GABRA4: variants seen among roughly 807,000 people sequenced by gnomAD.
GABRA4 encodes the protein gamma-aminobutyric acid receptor subunit alpha-4.
Under a neutral mutation model 49.7 loss-of-function variants are expected in GABRA4, and 12 were observed. The ratio of observed to expected loss-of-function variants is 0.24; its 90% CI spans 0.15 to 0.39. GABRA4 has a LOEUF of 0.39. Among genes scored for constraint, GABRA4 ranks in the 10% least tolerant of loss-of-function variants. The pLI, the probability that GABRA4 is intolerant of heterozygous loss-of-function variation, is 1.00. For synonymous variants in GABRA4, 288 were observed against 240.2 expected, an observed-to-expected ratio of 1.20 and a Z score of -1.84; for missense variants, 506 against 686.0, an observed-to-expected ratio of 0.74 and a Z score of 2.93.
chr4:46,950,175 T>C (rs571001576), intron 8 of GABRA4, among the ~76,000 whole-genome samples: 75 of 152,178 alleles, frequency 4.9e-4, no homozygotes, highest in African/African-American at 1.5e-3. Context: ...AGAGTGCCTG[T>C]TGAAGCTCAG....
chr4:46,958,205 T>C (rs1047831385), intron 8 of GABRA4, among the ~76,000 whole-genome samples: 3 of 151,946 alleles, frequency 2.0e-5, no homozygotes, highest in South Asian at 4.1e-4. Context: ...ATATTGAATA[T>C]ATCACCTAAC....
rs1007843222 is a variant in GABRA4, at chr4:46,947,902, G to T, written c.1134+17068C>A. 2.5e-4 allele frequency among the ~76,000 whole-genome samples: 38 copies of T among 152,080 alleles called. 1 individual carries two copies. Among genetic ancestry groups the T allele is most frequent in the Admixed American group, 2.5e-3 (38 of 15,258 alleles). The stretch of plus-strand genomic sequence containing the variant: ...GACTCAGGTAAGCAGCATTCACTCA[G>T]AGTCTCTCATGTGGTTTCAATCAGA... On this transcript the variant is annotated intron_variant, in intron 8 of 8. Transcript: ENST00000264318.
At chr4:46,992,738 C>A in intron 2 of GABRA4, 90 bp downstream of exon 2, 1 of 919,634 alleles carries the variant, frequency 1.1e-6, no homozygotes, top group Non-Finnish European at 1.8e-6. Context: ...GCACGTGAGG[C>A]ATACCTAATG....
intron 2 of GABRA4, among the ~76,000 whole-genome samples, chr4:46,982,537 G>A (rs1723392673): frequency 6.6e-6 from 1 of 152,016 alleles, no homozygotes; most frequent in Non-Finnish European, 1.5e-5. Flanking sequence ...AAGCCACACA[G>A]TCTGTGGTAC....
At chr4:46,971,277 G>C (rs1722940465) in intron 6 of GABRA4, 42 bp from the exon 7 acceptor site, 2 of 1,582,124 alleles carry the variant, frequency 1.3e-6, no homozygotes, top group East Asian at 4.5e-5. Flanking sequence ...CGGTTCTGCA[G>C]GCAATTAGTC....
rs1276812774 is a variant in GABRA4 at position 46,925,579 on chromosome 4, AG to A, written c.*2645del. ...AATCATTCTTCTGAGATTTTCTAAGAGGGAAAAGTGACTGGCTCTTTGCAAA... is the reference window on the plus strand; with the variant it reads ...AATCATTCTTCTGAGATTTTCTAAGAGGAAAAGTGACTGGCTCTTTGCAAA... On this transcript the variant is annotated 3_prime_UTR_variant, in exon 9 of 9. Coordinates refer to ENST00000264318, the MANE Select transcript of GABRA4 (RefSeq NM_000809.4). 1 of 151,710 alleles carries A rather than the reference AG, an allele frequency of 6.6e-6. No individual in the cohort carries two copies. The highest frequency in any genetic ancestry group is 2.4e-5 in the African/African-American group (1 of 41,390). The allele number at this position is 151,710 out of a possible 1,614,324, so 9.4% of individuals were successfully genotyped here. A position where few individuals can be genotyped will look rare whatever the true frequency, so the allele number is the denominator to read the frequency against.
At chr4:46,991,463 G>A (rs1270064566) in intron 2 of GABRA4, among the ~76,000 whole-genome samples, 1 of 152,160 alleles carries the variant, frequency 6.6e-6, no homozygotes, top group Non-Finnish European at 1.5e-5. Context: ...GCTAGAAAGA[G>A]TTTCTAGCCC....
intron 8 of GABRA4, among the ~76,000 whole-genome samples, chr4:46,941,857 C>T (rs1159627611): frequency 6.6e-6 from 1 of 152,050 alleles, no homozygotes; most frequent in Non-Finnish European, 1.5e-5. Context: ...GTTTAAAAGG[C>T]TTAAAAGGTT....
chr4:46,964,913 A>C, intron 8 of GABRA4, 57 bp downstream of exon 8: 3 of 1,489,396 alleles, frequency 2.0e-6, no homozygotes, highest in Non-Finnish European at 2.7e-6. Context: ...TTCCCTGACA[A>C]AATAAATTTG....
intron 2 of GABRA4, among the ~76,000 whole-genome samples, chr4:46,984,465 T>C (rs1399353584): frequency 2.0e-5 from 3 of 152,014 alleles, no homozygotes; most frequent in African/African-American, 4.8e-5. Flanking sequence ...GAAAACACTA[T>C]AAAGTTCTGG....
chr4:46,993,404 T>C lies in GABRA4; in HGVS notation c.21A>G (p.Val7=). 6.2e-7 allele frequency: 1 copy of C among 1,614,172 alleles called. No individual in the cohort carries two copies. Among genetic ancestry groups the C allele is most frequent in the Non-Finnish European group, 8.5e-7 (1 of 1,180,016 alleles). The part of the protein sequence containing the change: MVSAKK[V]PAIALSAGVS... ...CCCCGGCGGACAGAGCGATCGCGGG[T>C]ACCTTCTTGGCAGAAACCATCTTTG... Residue 7 remains valine (V), a synonymous_variant, in exon 1 of 9, where the codon GTA becomes GTG. Transcript: ENST00000264318.
intron 5 of GABRA4, among the ~76,000 whole-genome samples, chr4:46,976,128 G>C (rs1021224578): frequency 6.6e-6 from 1 of 151,710 alleles, no homozygotes; most frequent in Non-Finnish European, 1.5e-5. Flanking sequence ...ACATTTTGCT[G>C]CCATCTCAGA....
chr4:46,968,942 T>A (rs542730270), intron 7 of GABRA4, among the ~76,000 whole-genome samples: 60 of 151,798 alleles, frequency 4.0e-4, no homozygotes, highest in African/African-American at 1.4e-3. Context: ...GACAGCAGCA[T>A]GGAATGCCAT....
rs1291661341 is a variant in GABRA4 at position 46,921,848 on chromosome 4, G to A, written c.*6377C>T. The A allele has an allele frequency of 6.6e-6, 1 of 152,022 alleles. No individual in the cohort carries two copies. The highest frequency in any genetic ancestry group is 6.6e-5 in the Admixed American group (1 of 15,244). The allele number at this position is 152,022 out of a possible 1,614,324, so 9.4% of individuals were successfully genotyped here. A position where few individuals can be genotyped will look rare whatever the true frequency, so the allele number is the denominator to read the frequency against. On this transcript the variant is annotated 3_prime_UTR_variant, in exon 9 of 9. Transcript: ENST00000264318. The stretch of plus-strand genomic sequence containing the variant: ...AACAAGTAATTGATGACAAACTATA[G>A]TCAGCAGCTTTTAAGTAGGTAGCCA...
At chr4:46,974,840 C>A (rs1432945585) in intron 5 of GABRA4, among the ~76,000 whole-genome samples, 1 of 151,900 alleles carries the variant, frequency 6.6e-6, no homozygotes, top group Non-Finnish European at 1.5e-5. Flanking sequence ...CCAAACAAAT[C>A]CTACTGTTAG....
At position 46,977,523 on chromosome 4, in the gene GABRA4, C is replaced by T; in HGVS notation, c.381G>A (p.Val127=). 3 of 1,611,612 alleles carry T rather than the reference C, an allele frequency of 1.9e-6. No individual in the cohort carries two copies. Among genetic ancestry groups the T allele is most frequent in the Non-Finnish European group, 2.5e-6 (3 of 1,178,080 alleles). Residue 127 remains valine (V), a synonymous_variant, in exon 4 of 9, where the codon GTG becomes GTA. Coordinates refer to ENST00000264318, the MANE Select transcript of GABRA4 (RefSeq NM_000809.4). ...LRLNNMMVTK[V]WTPDTFFRNG... ...TCCTGAAGAAAGTATCAGGGGTCCACACTTTCGTTACCATCATATTGTTCA... is the reference window on the plus strand; with the variant it reads ...TCCTGAAGAAAGTATCAGGGGTCCATACTTTCGTTACCATCATATTGTTCA...
At chr4:46,935,798 C>T (rs1449291257) in intron 8 of GABRA4, among the ~76,000 whole-genome samples, 2 of 151,954 alleles carry the variant, frequency 1.3e-5, no homozygotes, top group African/African-American at 2.4e-5. Context: ...GCACATGCAT[C>T]CCAGAACTTA....
chr4:46,977,753 A>G (rs796088613), intron 3 of GABRA4, 123 bp from the exon 4 acceptor site: 7 of 638,598 alleles, frequency 1.1e-5, no homozygotes, highest in African/African-American at 9.2e-5. Flanking sequence ...AATAAAATTA[A>G]TAGGAGCAGG....
intron 5 of GABRA4, among the ~76,000 whole-genome samples, chr4:46,976,042 T>C (rs1723129746): frequency 6.6e-6 from 1 of 151,864 alleles, no homozygotes; most frequent in Non-Finnish European, 1.5e-5. Context: ...TCTGAAGCAA[T>C]AGTAAAAGCC....
Sources: allele counts gnomAD v4.1 joint callset (sites outside exome capture counted in the v4.1 genomes callset), GRCh38; gene constraint gnomAD v4.1.1; transcripts MANE v1.5; gene names NCBI Gene and HGNC (gene_info 2026-07-23, HGNC 2026-07-21).